RBFOX1: variants seen among roughly 807,000 people sequenced by gnomAD.
The protein encoded by RBFOX1 is RNA binding fox-1 homolog 1.
A neutral mutation model predicts 57.7 loss-of-function variants in RBFOX1; 8 were observed. That is an observed-to-expected ratio of 0.14 (90% CI 0.08 to 0.25). RBFOX1 has a LOEUF of 0.25. Ranked by LOEUF, RBFOX1 falls within the 10% of genes least tolerant of loss-of-function variation. The probability of loss-of-function intolerance (pLI) is 1.00; values close to 1 mark genes in which losing one functional copy is unlikely to be tolerated. For synonymous variants in RBFOX1, 326 were observed against 222.4 expected (o/e 1.47, Z -4.15); for missense variants, 611 against 548.5 (o/e 1.11, Z -1.14).
intron 1 of RBFOX1, among the ~76,000 whole-genome samples, chr16:5,440,971 A>G (rs1162801110): frequency 1.3e-5 from 2 of 152,090 alleles, no homozygotes; most frequent in African/African-American, 4.8e-5. Flanking sequence ...CAAGCAGCAA[A>G]CTCCTACGTA....
intron 4 of RBFOX1, among the ~76,000 whole-genome samples, chr16:7,229,563 GGA>G (rs1333599333): frequency 6.9e-6 from 1 of 145,054 alleles, no homozygotes; most frequent in Admixed American, 6.8e-5. Context: ...AGGAAGGAAG[GGA>G]GGGAGGGGAA....
intron 1 of RBFOX1, among the ~76,000 whole-genome samples, chr16:6,267,955 G>A (rs773516892): frequency 2.6e-5 from 4 of 152,086 alleles, no homozygotes; most frequent in South Asian, 2.1e-4. Flanking sequence ...CTGCCAACCC[G>A]TTTGAAGTAA....
intron 4 of RBFOX1, among the ~76,000 whole-genome samples, chr16:7,296,169 G>A (rs1378113937): frequency 6.6e-6 from 1 of 151,020 alleles, no homozygotes; most frequent in Non-Finnish European, 1.5e-5. Context: ...GCAGCTAAAT[G>A]AGAAAATTAA....
At chr16:6,742,680 C>T (rs1031538157) in intron 3 of RBFOX1, among the ~76,000 whole-genome samples, 1 of 152,114 alleles carries the variant, frequency 6.6e-6, no homozygotes, top group African/African-American at 2.4e-5. Flanking sequence ...TCGATATACA[C>T]AACACCTGTG....
At chr16:6,790,080 T>G (rs1268063161) in intron 3 of RBFOX1, among the ~76,000 whole-genome samples, 1 of 133,346 alleles carries the variant, frequency 7.5e-6, no homozygotes, top group Non-Finnish European at 1.8e-5. Context: ...TTATTTATAT[T>G]TTTCTATTAT....
intron 3 of RBFOX1, among the ~76,000 whole-genome samples, chr16:6,685,273 CTTTTTTTT>C (rs202226687): frequency 1.8e-5 from 2 of 111,574 alleles, no homozygotes; most frequent in Non-Finnish European, 1.7e-5. Flanking sequence ...GAGAGTTTTT[CTTTTTTTT>C]TTTTTTTTTT....
At chr16:7,429,360 C>T (rs1355285541) in intron 4 of RBFOX1, among the ~76,000 whole-genome samples, 1 of 152,200 alleles carries the variant, frequency 6.6e-6, no homozygotes, top group Non-Finnish European at 1.5e-5. Flanking sequence ...TTTCATTCAT[C>T]AGCTGTTGAT....
intron 3 of RBFOX1, among the ~76,000 whole-genome samples, chr16:6,966,265 C>T (rs2084128875): frequency 6.6e-6 from 1 of 152,084 alleles, no homozygotes; most frequent in Non-Finnish European, 1.5e-5. Flanking sequence ...GTAAAATGAG[C>T]CTCCCGTTGA....
intron 1 of RBFOX1, among the ~76,000 whole-genome samples, chr16:6,086,741 C>T (rs1209754771): frequency 6.6e-6 from 1 of 152,172 alleles, no homozygotes; most frequent in Non-Finnish European, 1.5e-5. Flanking sequence ...AAGCCTATTG[C>T]ATCACCTTGT....
intron 1 of RBFOX1, among the ~76,000 whole-genome samples, chr16:6,032,887 T>G (rs1181851688): frequency 6.7e-6 from 1 of 148,510 alleles, no homozygotes; most frequent in Non-Finnish European, 1.5e-5. Flanking sequence ...TGTAAGTTTT[T>G]TTTTTTTTTT....
At chr16:5,804,690 C>T (rs140248993) in intron 3 of RBFOX1, among the ~76,000 whole-genome samples, 399 of 152,266 alleles carry the variant, frequency 2.6e-3, no homozygotes, top group Non-Finnish European at 3.9e-3. Flanking sequence ...TAATTAATTA[C>T]GGTGGCCTTT....
At chr16:5,746,684 T>A (rs1042039436) in intron 3 of RBFOX1, among the ~76,000 whole-genome samples, 18 of 152,326 alleles carry the variant, frequency 1.2e-4, no homozygotes, top group Non-Finnish European at 2.4e-4. Context: ...CCTAGATATT[T>A]TATTCTCTTT....
chr16:6,967,084 C>T (rs1294183002), intron 3 of RBFOX1, among the ~76,000 whole-genome samples: 1 of 152,158 alleles, frequency 6.6e-6, no homozygotes, highest in Non-Finnish European at 1.5e-5. Context: ...TTCATCCACC[C>T]ATCATTCTAT....
rs149921703 is a variant in RBFOX1 at position 6,822,968 on chromosome 16, A to G, written c.-16+168318A>G. On this transcript the variant is annotated intron_variant, in intron 3 of 15. Transcript: ENST00000550418. ...CATTAGAGTTCATGGACAAAAAACG[A>G]TGATCCCTAACAGCTTCTCAACGTG... Among the ~76,000 whole-genome samples the G allele has an allele frequency of 2.2e-4, 33 of 152,302 alleles. No individual in the cohort carries two copies. The East Asian group carries it at 3.1e-3, about 14-fold the overall frequency.
intron 3 of RBFOX1, among the ~76,000 whole-genome samples, chr16:6,871,336 C>G (rs1210403049): frequency 6.6e-6 from 1 of 152,076 alleles, no homozygotes. Context: ...CAGGCATGTG[C>G]CATCACGCCT....
intron 2 of RBFOX1, among the ~76,000 whole-genome samples, chr16:6,533,778 G>T (rs1311507280): frequency 3.3e-5 from 5 of 152,096 alleles, no homozygotes; most frequent in Non-Finnish European, 5.9e-5. Context: ...GAAAGCCCCT[G>T]GAAGGGAACA....
chr16:6,107,846 A>T (rs1027745304), intron 1 of RBFOX1, among the ~76,000 whole-genome samples: 1 of 152,152 alleles, frequency 6.6e-6, no homozygotes, highest in East Asian at 1.9e-4. Flanking sequence ...CTGAGAAGGA[A>T]ATAATTAATA....
rs370495869 is a variant in RBFOX1 at position 6,256,207 on chromosome 16, ATG to A, written c.-126-60784_-126-60783del. Among the ~76,000 whole-genome samples the A allele has an allele frequency of 1.6e-3, 49 of 31,396 alleles. 1 individual carries two copies. Among genetic ancestry groups the A allele is most frequent in the East Asian group, 1.7e-3 (1 of 596 alleles). 20.6% of individuals were successfully genotyped at this position (31,396 alleles called of 152,430 possible). The stretch of plus-strand genomic sequence containing the variant: ...TATACGTATATATATGTATATGTAT[ATG>A]TGTATATATATGTATATATATATGT... On this transcript the variant is annotated intron_variant, in intron 1 of 15. Coordinates refer to ENST00000550418, the MANE Select transcript of RBFOX1 (RefSeq NM_018723.4).
chr16:5,361,046 C>T (rs752941864), intron 1 of RBFOX1, among the ~76,000 whole-genome samples: 3 of 152,190 alleles, frequency 2.0e-5, no homozygotes, highest in Non-Finnish European at 4.4e-5. Flanking sequence ...TAATAGACAA[C>T]ACAGAGTGCT....
Sources: gnomAD v4.1 joint callset for allele counts (sites outside exome capture counted in the v4.1 genomes callset) on GRCh38, gnomAD v4.1.1 for gene constraint, MANE v1.5 for transcripts, NCBI Gene and HGNC (gene_info 2026-07-23, HGNC 2026-07-21) for gene names.